The following DNAH11 variants were observed in gnomAD, a reference collection of about 807,000 sequenced individuals.
DNAH11 encodes axonemal beta dynein heavy chain 11.
DNAH11 carries 442 observed loss-of-function variants against 526.0 expected under a neutral mutation model. That is an observed-to-expected ratio of 0.84 (90% CI 0.78 to 0.91). The LOEUF (loss-of-function observed/expected upper bound fraction) is 0.91. Ranked by LOEUF, DNAH11 falls within the 40% of genes least tolerant of loss-of-function variation. DNAH11 has a pLI of 0.00. For missense variants in DNAH11, 6,989 were observed against 5,448.7 expected (o/e 1.28, Z -8.90); for synonymous variants, 2,461 against 1,935.9 (o/e 1.27, Z -7.12).
chr7:21,723,158 G>A (rs568956606), intron 44 of DNAH11, among the ~76,000 whole-genome samples: 60 of 152,354 alleles, frequency 3.9e-4, no homozygotes, highest in Non-Finnish European at 6.8e-4. Flanking sequence ...TCTCAGGATA[G>A]CCACTTGGTA....
intron 32 of DNAH11, among the ~76,000 whole-genome samples, chr7:21,684,730 G>A (rs1319493039): frequency 6.6e-6 from 1 of 152,184 alleles, no homozygotes; most frequent in Non-Finnish European, 1.5e-5. Context: ...GGGGCAGGAG[G>A]TTACTATTAT....
In DNAH11 at chr7:21,702,790, A is replaced by T. The variant is rs1046205210; in HGVS notation, c.6261A>T (p.Arg2087Ser). 1.2e-6 allele frequency: 2 copies of T among 1,612,800 alleles called. No individual in the cohort carries two copies. The highest frequency in any genetic ancestry group is 1.3e-5 in the African/African-American group (1 of 74,884). Residue 2087 changes from arginine to serine, a missense_variant, in exon 37 of 82, where the codon AGA (arginine) becomes AGT (serine). Transcript: ENST00000409508. Reference protein sequence around the residue: ...AGSLKRGDKNRPEDQVLMRAL... With the variant: ...AGSLKRGDKNSPEDQVLMRAL... Reference sequence around the variant, plus strand: ...CTCTGAAACGAGGAGATAAAAATAGACCCGAAGATCAGGTACTGCAATGCT... The same window carrying T: ...CTCTGAAACGAGGAGATAAAAATAGTCCCGAAGATCAGGTACTGCAATGCT...
At chr7:21,840,201 C>T (rs530943463) in intron 65 of DNAH11, among the ~76,000 whole-genome samples, 2 of 152,220 alleles carry the variant, frequency 1.3e-5, no homozygotes, top group South Asian at 2.1e-4. Context: ...TGTGACATTT[C>T]GATAAAAAGG....
intron 54 of DNAH11, among the ~76,000 whole-genome samples, chr7:21,760,828 T>G (rs1445482326): frequency 1.3e-5 from 2 of 150,268 alleles, no homozygotes; most frequent in African/African-American, 4.9e-5. Context: ...TAGCCCTTAT[T>G]GGTGTATTCC....
chr7:21,721,606 G>C (rs1784876828), intron 44 of DNAH11, among the ~76,000 whole-genome samples: 1 of 152,178 alleles, frequency 6.6e-6, no homozygotes, highest in Non-Finnish European at 1.5e-5. Flanking sequence ...CCATGTGACA[G>C]AGAGAGAAAG....
chr7:21,592,322 C>T (rs1394242407), intron 14 of DNAH11, among the ~76,000 whole-genome samples: 2 of 152,140 alleles, frequency 1.3e-5, no homozygotes, highest in Non-Finnish European at 2.9e-5. Context: ...AGTATTTCTG[C>T]AGAGAACTGA....
chr7:21,843,156 A>G (rs1376467126), intron 66 of DNAH11, among the ~76,000 whole-genome samples: 3 of 152,248 alleles, frequency 2.0e-5, no homozygotes, highest in African/African-American at 7.2e-5. Flanking sequence ...AGGGACATTC[A>G]TGGCCTTAAG....
intron 75 of DNAH11, 57 bp from the exon 76 acceptor site, chr7:21,884,234 C>G: frequency 6.7e-7 from 1 of 1,492,686 alleles, no homozygotes; most frequent in Non-Finnish European, 8.9e-7. Flanking sequence ...TACTGGTTGG[C>G]TACTCTGAGG....
intron 36 of DNAH11, among the ~76,000 whole-genome samples, chr7:21,699,372 A>C (rs574284890): frequency 1.3e-5 from 2 of 152,186 alleles, no homozygotes; most frequent in African/African-American, 2.4e-5. Context: ...CATATATATC[A>C]GCATCAATAT....
At chr7:21,689,992 C>A (rs991189541) in intron 34 of DNAH11, among the ~76,000 whole-genome samples, 9 of 152,284 alleles carry the variant, frequency 5.9e-5, no homozygotes, top group African/African-American at 2.2e-4. Flanking sequence ...ACTATTTCTC[C>A]AACGCAAATC....
chr7:21,592,621 A>T (rs749659890), intron 14 of DNAH11, among the ~76,000 whole-genome samples: 38 of 152,184 alleles, frequency 2.5e-4, no homozygotes, highest in Non-Finnish European at 3.4e-4. Context: ...GCAAGCAAAG[A>T]AGTGGTTGGC....
intron 25 of DNAH11, among the ~76,000 whole-genome samples, chr7:21,627,950 A>T (rs998838453): frequency 3.9e-5 from 6 of 152,068 alleles, no homozygotes; most frequent in Admixed American, 3.9e-4. Context: ...AGTTTTTTTC[A>T]TTAGTGTTTC....
chr7:21,838,660 C>T (rs949658385), intron 65 of DNAH11, among the ~76,000 whole-genome samples: 2 of 151,928 alleles, frequency 1.3e-5, no homozygotes, highest in Non-Finnish European at 2.9e-5. Context: ...AATATTAGGT[C>T]GGTGCAAAAG....
intron 26 of DNAH11, among the ~76,000 whole-genome samples, chr7:21,636,502 A>G (rs893266942): frequency 6.6e-6 from 1 of 152,104 alleles, no homozygotes; most frequent in African/African-American, 2.4e-5. Flanking sequence ...TGGGAGTCCA[A>G]GGTAGGAGGA....
intron 8 of DNAH11, among the ~76,000 whole-genome samples, chr7:21,572,404 T>A (rs557606774): frequency 6.6e-6 from 1 of 152,296 alleles, no homozygotes; most frequent in Non-Finnish European, 1.5e-5. Context: ...TTCTTATAAT[T>A]TTTGTTATTC....
At chr7:21,865,935 A>G (rs1398586526) in intron 70 of DNAH11, among the ~76,000 whole-genome samples, 2 of 152,166 alleles carry the variant, frequency 1.3e-5, no homozygotes, top group Admixed American at 1.3e-4. Flanking sequence ...TGTAAACTGT[A>G]TGGCACTGGT....
At chr7:21,618,932 G>T (rs187009127) in intron 23 of DNAH11, among the ~76,000 whole-genome samples, 168 bp from the exon 24 acceptor site, 2 of 152,330 alleles carry the variant, frequency 1.3e-5, no homozygotes, top group East Asian at 3.9e-4. Context: ...CTCAGGAATT[G>T]TGAGTTAAAA....
chr7:21,695,676 G>A (rs1283441200), intron 35 of DNAH11, among the ~76,000 whole-genome samples: 1 of 152,152 alleles, frequency 6.6e-6, no homozygotes, highest in Non-Finnish European at 1.5e-5. Context: ...CAGGACATAG[G>A]CATGGACAAA....
chr7:21,543,713 G>A, intron 1 of DNAH11, 117 bp downstream of exon 1: 1 of 1,123,766 alleles, frequency 8.9e-7, no homozygotes, highest in Non-Finnish European at 1.2e-6. Context: ...TAACAAACTT[G>A]GCTTGAAGTC....
Sources: allele counts gnomAD v4.1 joint callset (sites outside exome capture counted in the v4.1 genomes callset), GRCh38; gene constraint gnomAD v4.1.1; transcripts MANE v1.5; gene names NCBI Gene and HGNC (gene_info 2026-07-23, HGNC 2026-07-21).